The following PRSS23 variants were observed in gnomAD, a reference collection of about 807,000 sequenced individuals.
PRSS23 encodes the protein protease, serine 23.
In PRSS23, 25 loss-of-function variants were observed where a neutral mutation model predicts 34.7. The observed-to-expected ratio is 0.72, with a 90% CI of 0.53 to 1.01. The LOEUF (loss-of-function observed/expected upper bound fraction) is 1.01, where lower values mean the gene tolerates loss of function less well. PRSS23 is among the 50% of genes least tolerant of loss of function. The pLI, the probability that PRSS23 is intolerant of heterozygous loss-of-function variation, is 0.00. For synonymous variants in PRSS23, 176 were observed against 186.6 expected (o/e 0.94, Z 0.46); for missense variants, 445 against 475.6 (o/e 0.94, Z 0.60).
chr11:86,900,904 C>T (rs548503231), intron 2 of PRSS23, among the ~76,000 whole-genome samples: 6 of 149,060 alleles, frequency 4.0e-5, no homozygotes, highest in African/African-American at 1.5e-4. Context: ...CCTGCCTCAA[C>T]CTCCCAAGTA....
upstream of PRSS23, among the ~76,000 whole-genome samples, chr11:86,796,640 C>CAAAAAA (rs10543755): frequency 2.5e-5 from 2 of 80,324 alleles, no homozygotes; most frequent in African/African-American, 4.8e-5. Context: ...GACTCCGTCT[C>CAAAAAA]AAAAAAAAAA....
intron 2 of PRSS23, among the ~76,000 whole-genome samples, chr11:86,900,888 G>A (rs1261454740): frequency 3.4e-5 from 5 of 145,920 alleles, no homozygotes; most frequent in East Asian, 4.2e-4. Flanking sequence ...AGGTTCAAGC[G>A]ATTCTCCTGC....
At chr11:86,932,685 G>GA (rs1949134039) in intron 2 of PRSS23, 1 of 151,744 alleles carries the variant, frequency 6.6e-6, no homozygotes, top group African/African-American at 2.4e-5. Context: ...AAACCACTTG[G>GA]AATGAGCAGA....
At chr11:86,896,849 G>A (rs970058853) in intron 2 of PRSS23, among the ~76,000 whole-genome samples, 4 of 152,176 alleles carry the variant, frequency 2.6e-5, no homozygotes, top group Admixed American at 1.3e-4. Context: ...TTTCCTGCCT[G>A]GAAATGTTAC....
intron 2 of PRSS23, among the ~76,000 whole-genome samples, chr11:86,828,855 G>A (rs878934252): frequency 2.0e-4 from 30 of 152,272 alleles, no homozygotes; most frequent in Admixed American, 2.6e-4. Flanking sequence ...AGTTTCTGCC[G>A]AGAGATCCGC....
chr11:86,798,633 A>G (rs538638078), upstream of PRSS23, among the ~76,000 whole-genome samples: 11 of 152,310 alleles, frequency 7.2e-5, 1 homozygote, highest in Admixed American at 3.9e-4. Context: ...AATTTTTATA[A>G]ATCTGTTTTG....
chr11:86,847,959 TCTC>T (rs1436311740), intron 2 of PRSS23, among the ~76,000 whole-genome samples: 3 of 151,822 alleles, frequency 2.0e-5, no homozygotes, highest in African/African-American at 7.3e-5. Context: ...TCAGCCCCAC[TCTC>T]CTCCTGCACT....
chr11:86,831,727 A>G (rs77039324), intron 2 of PRSS23, among the ~76,000 whole-genome samples: 5,656 of 151,788 alleles, frequency 0.037, 164 homozygotes, highest in Non-Finnish European at 0.055. Context: ...TCCTAAAGGT[A>G]TGTTACTACC....
intron 2 of PRSS23, chr11:86,936,764 T>C (rs10792889): frequency 0.63 from 94,755 of 151,292 alleles, 30,145 homozygotes; most frequent in Non-Finnish European, 0.69. Flanking sequence ...TAGCCAGGCA[T>C]GGTGGTATGT....
At chr11:86,798,409 T>C (rs140264857), upstream of PRSS23, among the ~76,000 whole-genome samples, 14 of 152,176 alleles carry the variant, frequency 9.2e-5, no homozygotes, top group Middle Eastern at 6.8e-3. Context: ...GAGAAACCCA[T>C]TGCAATGACA....
chr11:86,853,402 C>T (rs1320401015), intron 2 of PRSS23, among the ~76,000 whole-genome samples: 6 of 151,252 alleles, frequency 4.0e-5, no homozygotes, highest in African/African-American at 7.3e-5. Flanking sequence ...TACAGGCATG[C>T]GCCACCATGC....
intron 2 of PRSS23, among the ~76,000 whole-genome samples, chr11:86,919,480 T>G (rs1347404379): frequency 2.0e-5 from 3 of 152,188 alleles, no homozygotes; most frequent in Non-Finnish European, 2.9e-5. Flanking sequence ...GTTTTTTTTC[T>G]GTTCTATTTC....
chr11:86,821,193 G>T, intron 1 of PRSS23: 3 of 623,010 alleles, frequency 4.8e-6, no homozygotes, highest in Middle Eastern at 7.0e-4. Flanking sequence ...TCTAAAATTG[G>T]TACAATGAGG....
chr11:86,905,085 C>A (rs11234870), intron 2 of PRSS23, among the ~76,000 whole-genome samples: 37,365 of 151,862 alleles, frequency 0.25, 4,807 homozygotes, highest in African/African-American at 0.31. Context: ...AACAAAAAAA[C>A]CCATTTATTT....
At chr11:86,880,534 G>C (rs1480862004) in intron 2 of PRSS23, among the ~76,000 whole-genome samples, 2 of 152,028 alleles carry the variant, frequency 1.3e-5, no homozygotes, top group South Asian at 4.1e-4. Flanking sequence ...TGCAGAATGT[G>C]CAGGTTTGTT....
chr11:86,808,215 G>A lies in PRSS23; in HGVS notation c.572G>A (p.Arg191Gln), dbSNP rs372440721. Residue 191 changes from arginine (R) to glutamine (Q), a missense_variant, in exon 2 of 2, where the codon CGA (arginine) becomes CAA (glutamine). Physicochemically the swap from Arg to Gln is conservative, Grantham distance 43. Coordinates refer to ENST00000280258, the MANE Select transcript of PRSS23 (RefSeq NM_007173.6). ...TATGTGAAAGGAACCCAGAAGCTTC[G>A]AGTGGGCTTCCTAAAGCCCAAGTTT... ...KTYVKGTQKL[R>Q]VGFLKPKFKD... The A allele has an allele frequency of 2.0e-5, 32 of 1,614,100 alleles. No individual in the cohort carries two copies. Among genetic ancestry groups the A allele is most frequent in the East Asian group, 6.7e-5 (3 of 44,880 alleles).
At chr11:86,841,339 C>CAAAAAAAA (rs58223921) in intron 2 of PRSS23, among the ~76,000 whole-genome samples, 1 of 103,710 alleles carries the variant, frequency 9.6e-6, no homozygotes, top group African/African-American at 3.8e-5. Context: ...AACTCCATCT[C>CAAAAAAAA]AAAAAAAAAA....
intron 2 of PRSS23, among the ~76,000 whole-genome samples, chr11:86,938,711 T>C (rs1791235012): frequency 7.8e-6 from 1 of 127,662 alleles, no homozygotes; most frequent in Non-Finnish European, 1.6e-5. Context: ...TAGTCATCTG[T>C]CCTGGATGGC....
At chr11:86,886,737 G>A (rs1176001046) in intron 2 of PRSS23, among the ~76,000 whole-genome samples, 1 of 152,100 alleles carries the variant, frequency 6.6e-6, no homozygotes, top group Admixed American at 6.6e-5. Flanking sequence ...TCAAAAGTTT[G>A]AGACCAGCCT....
Sources: allele counts gnomAD v4.1 joint callset (sites outside exome capture counted in the v4.1 genomes callset), GRCh38; gene constraint gnomAD v4.1.1; transcripts MANE v1.5; gene names NCBI Gene and HGNC (gene_info 2026-07-23, HGNC 2026-07-21).